DCLRE1C: variants seen among roughly 807,000 people sequenced by gnomAD.
DCLRE1C encodes the protein protein artemis.
In DCLRE1C, 47 loss-of-function variants were observed where a neutral mutation model predicts 61.4. The observed-to-expected ratio is 0.77, with a 90% confidence interval of 0.61 to 0.98. The LOEUF (loss-of-function observed/expected upper bound fraction) is 0.98. Among genes scored for constraint, DCLRE1C ranks in the 50% least tolerant of loss-of-function variants. The pLI is 0.00. For missense variants in DCLRE1C, 858 were observed against 816.0 expected (o/e 1.05, Z -0.63); for synonymous variants, 337 against 287.6 (o/e 1.17, Z -1.74).
At chr10:14,913,936 A>C (rs1835729574) in intron 13 of DCLRE1C, among the ~76,000 whole-genome samples, 1 of 152,218 alleles carries the variant, frequency 6.6e-6, no homozygotes, top group South Asian at 2.1e-4. Context: ...CACAGCCAAT[A>C]ACCCAACAAG....
chr10:14,929,930 C>A lies in DCLRE1C; in HGVS notation c.781-1778G>T, dbSNP rs532978634. Among the ~76,000 whole-genome samples, 354 of 152,098 alleles carry A rather than the reference C, an allele frequency of 2.3e-3. 3 individuals carry two copies. The highest frequency in any genetic ancestry group is 8.3e-3 in the African/African-American group (344 of 41,478). On this transcript the variant is annotated intron_variant, in intron 9 of 13. Coordinates refer to ENST00000378278, the MANE Select transcript of DCLRE1C (RefSeq NM_001033855.3). ...AAAGGAGTGCGTGACCTAAAAAAAT[C>A]TTTTAAGCGGCTAGAAATAGCATCT...
rs919860514 is a variant in DCLRE1C, at chr10:14,898,202, C to CTTTTTTTTTTTTTTTT, written c.*946_*961dup. On this transcript the variant is annotated 3_prime_UTR_variant, in exon 14 of 14. Transcript: ENST00000378289. ...AAAACTCAGTGAGGTAGTACTGTTT[C>CTTTTTTTTTTTTTTTT]TTTTTTTTTTTTTTTTTTTTTTTTT... The CTTTTTTTTTTTTTTTT allele has an allele frequency of 6.6e-4, 37 of 56,152 alleles. 4 individuals carry two copies. Among genetic ancestry groups the CTTTTTTTTTTTTTTTT allele is most frequent in the African/African-American group, 1.1e-3 (16 of 14,150 alleles). 3.5% of individuals were successfully genotyped at this position (56,152 alleles called of 1,614,324 possible). A position where few individuals can be genotyped will look rare whatever the true frequency, so the allele number is the denominator to read the frequency against.
chr10:14,945,977 T>C (rs981956865), intron 2 of DCLRE1C, among the ~76,000 whole-genome samples: 2 of 144,530 alleles, frequency 1.4e-5, no homozygotes, highest in African/African-American at 5.1e-5. Context: ...TTTTTTTTTT[T>C]AATGAACAGA....
chr10:14,954,382 G>A (rs959732191), upstream of DCLRE1C: 4 of 365,896 alleles, frequency 1.1e-5, no homozygotes, highest in East Asian at 6.3e-5. Context: ...GGCCCCAGCC[G>A]ACGAGGTGAG....
chr10:14,919,608 T>A, intron 13 of DCLRE1C, 130 bp downstream of exon 13: 1 of 753,564 alleles, frequency 1.3e-6, no homozygotes. Context: ...CCTGAGACCA[T>A]GTGTCAAGTC....
intron 4 of DCLRE1C, among the ~76,000 whole-genome samples, chr10:14,937,427 C>A (rs1022261236): frequency 6.6e-6 from 1 of 151,696 alleles, no homozygotes; most frequent in Non-Finnish European, 1.5e-5. Flanking sequence ...GGATTATAGG[C>A]GCCTGCCATC....
chr10:14,937,497 C>A (rs974023944), intron 4 of DCLRE1C, among the ~76,000 whole-genome samples: 1 of 151,812 alleles, frequency 6.6e-6, no homozygotes, highest in African/African-American at 2.4e-5. Context: ...TTCGCCAGGC[C>A]AGTCTTGAAC....
intron 10 of DCLRE1C, among the ~76,000 whole-genome samples, chr10:14,927,662 A>T (rs895148355): frequency 6.6e-6 from 1 of 151,946 alleles, no homozygotes; most frequent in African/African-American, 2.4e-5. Flanking sequence ...TTAAACAGCC[A>T]AAGTTAAGGA....
Position 14,898,202 on chromosome 10 carries a change from C to CTTTTTTTTTTTTTTTTTTTT in DCLRE1C, c.*942_*961dup, listed in dbSNP as rs919860514. The stretch of plus-strand genomic sequence containing the variant: ...AAAACTCAGTGAGGTAGTACTGTTT[C>CTTTTTTTTTTTTTTTTTTTT]TTTTTTTTTTTTTTTTTTTTTTTTT... On this transcript the variant is annotated 3_prime_UTR_variant, in exon 14 of 14. Transcript: ENST00000378289. 2.0e-4 allele frequency: 11 copies of CTTTTTTTTTTTTTTTTTTTT among 56,150 alleles called. 1 individual carries two copies. The highest frequency in any genetic ancestry group is 2.8e-4 in the Non-Finnish European group (8 of 28,186). The allele number at this position is 56,150 out of a possible 1,614,324, so 3.5% of individuals were successfully genotyped here.
chr10:14,899,290 A>T (rs1001946357), exon 14 of DCLRE1C: 10 of 702,108 alleles, frequency 1.4e-5, no homozygotes, highest in Non-Finnish European at 2.6e-5. Flanking sequence ...ACCGCATTCT[A>T]GCCTGAGTGA....
upstream of DCLRE1C, chr10:14,954,209 G>C: frequency 1.2e-6 from 1 of 815,176 alleles, no homozygotes; most frequent in Non-Finnish European, 2.0e-6. Flanking sequence ...CCCGCTGCTT[G>C]GGTTTAAATC....
chr10:14,942,298 C>T (rs1840984483), intron 3 of DCLRE1C: 1 of 152,268 alleles, frequency 6.6e-6, no homozygotes, highest in Non-Finnish European at 1.5e-5. Context: ...CCTAGTGGGC[C>T]ATTCTGCCTT....
chr10:14,950,769 C>T (rs1373811211), intron 1 of DCLRE1C, among the ~76,000 whole-genome samples: 1 of 152,256 alleles, frequency 6.6e-6, no homozygotes, highest in African/African-American at 2.4e-5. Flanking sequence ...GGTCCCCCAT[C>T]CTCACCACCC....
chr10:14,935,026 G>C (rs1379909037), intron 6 of DCLRE1C, among the ~76,000 whole-genome samples: 2 of 151,838 alleles, frequency 1.3e-5, no homozygotes, highest in African/African-American at 4.8e-5. Context: ...GTTTCACCAT[G>C]TTGACCAGGC....
At chr10:14,944,426 G>C (rs1307639839) in intron 3 of DCLRE1C, among the ~76,000 whole-genome samples, 1 of 152,028 alleles carries the variant, frequency 6.6e-6, no homozygotes, top group Non-Finnish European at 1.5e-5. Context: ...TTGAACCCAG[G>C]AGGCAGAGGT....
Position 14,935,553 on chromosome 10 carries a change from T to G in DCLRE1C, c.374A>C (p.Gln125Pro). Residue 125 changes from glutamine to proline, a missense_variant, in exon 6 of 14, where the codon CAG becomes CCG. Transcript: ENST00000378278. ...GTACAGGACAGTTCCATTATTGCCC[T>G]GAAATAAAAACCTGAAAAAGAAATA... The part of the protein sequence containing the change: ...HCPGSVMFLF[Q>P]GNNGTVLYTG... The G allele has an allele frequency of 1.2e-6, 2 of 1,614,040 alleles. No homozygotes were observed. Among genetic ancestry groups the G allele is most frequent in the Non-Finnish European group, 1.7e-6 (2 of 1,179,934 alleles).
At chr10:14,920,272 G>A (rs531304317) in intron 12 of DCLRE1C, 8 of 544,038 alleles carry the variant, frequency 1.5e-5, no homozygotes, top group African/African-American at 1.4e-4. Context: ...TATCTCACAG[G>A]AATCTCCACA....
chr10:14,914,661 C>G (rs183577073), intron 13 of DCLRE1C, among the ~76,000 whole-genome samples: 1 of 152,190 alleles, frequency 6.6e-6, no homozygotes, highest in African/African-American at 2.4e-5. Context: ...TCAAAAGTAC[C>G]AGGCCAGGTG....
chr10:14,921,734 C>G (rs1432246125), intron 12 of DCLRE1C, among the ~76,000 whole-genome samples: 1 of 152,172 alleles, frequency 6.6e-6, no homozygotes, highest in East Asian at 1.9e-4. Context: ...CTGGGCCACT[C>G]TCTCCATCTT....
Sources: allele counts gnomAD v4.1 joint callset (sites outside exome capture counted in the v4.1 genomes callset), GRCh38; gene constraint gnomAD v4.1.1; transcripts MANE v1.5; gene names NCBI Gene and HGNC (gene_info 2026-07-23, HGNC 2026-07-21).